STAB1: variants seen among roughly 807,000 people sequenced by gnomAD.
STAB1 encodes stabilin 1.
In STAB1, 250 loss-of-function variants were observed where a neutral mutation model predicts 332.4. That is an observed-to-expected ratio of 0.75 (90% CI 0.68 to 0.84). STAB1 has a LOEUF of 0.84. Among genes scored for constraint, STAB1 ranks in the 40% least tolerant of loss-of-function variants. STAB1 has a pLI of 0.00. For synonymous variants in STAB1, 1,475 were observed against 1,390.4 expected (o/e 1.06, Z -1.35); for missense variants, 3,249 against 3,489.7 (o/e 0.93, Z 1.74).
Position 52,511,636 on chromosome 3 carries a change from C to A in STAB1, c.2788-14C>A. 6.2e-7 allele frequency: 1 copy of A among 1,605,684 alleles called. No individual in the cohort carries two copies. The highest frequency in any genetic ancestry group is 1.1e-5 in the South Asian group (1 of 89,844). Reference sequence around the variant, plus strand: ...TCATCATGAGACAAGGCCGTCTGTTCCTAACCTTTCCAGAGCCGATGCACC... The same window carrying A: ...TCATCATGAGACAAGGCCGTCTGTTACTAACCTTTCCAGAGCCGATGCACC... On this transcript the variant is annotated splice_polypyrimidine_tract_variant and intron_variant, in intron 25 of 68. Transcript: ENST00000321725.
chr3:52,503,229 G>T, intron 7 of STAB1, 115 bp from the exon 8 acceptor site: 1 of 1,496,510 alleles, frequency 6.7e-7, no homozygotes, highest in Non-Finnish European at 9.1e-7. Context: ...CCTAAGGGGA[G>T]CCTATCCTCA....
In STAB1 at chr3:52,514,291, C is replaced by A. The variant is rs955719896; in HGVS notation, c.3547-74C>A. Reference sequence around the variant, plus strand: ...AGCCTCCAATCCCACCACGAAGGGACACAGTGGGTGTGGCGTGCTGTCCAG... The same window carrying A: ...AGCCTCCAATCCCACCACGAAGGGAAACAGTGGGTGTGGCGTGCTGTCCAG... On this transcript the variant is annotated intron_variant, in intron 33 of 68. Transcript: ENST00000321725. The A allele has an allele frequency of 5.0e-6, 8 of 1,593,432 alleles. No homozygotes were observed. The African/African-American group carries it at 5.4e-5, about 11-fold the overall frequency.
chr3:52,518,259 C>T, intron 45 of STAB1, 53 bp from the exon 46 acceptor site: 1 of 1,605,784 alleles, frequency 6.2e-7, no homozygotes, highest in South Asian at 1.1e-5. Context: ...GGGACAGGCA[C>T]CAGGCCCTGA....
At chr3:52,515,335 C>G in intron 36 of STAB1, 88 bp from the exon 37 acceptor site, 2 of 1,284,644 alleles carry the variant, frequency 1.6e-6, no homozygotes, top group Non-Finnish European at 2.2e-6. Flanking sequence ...CTGCCTGACA[C>G]CTGTAGTCCA....
rs774189833 is a variant in STAB1, at chr3:52,520,953, C to T, written c.5856C>T (p.Thr1952=). 1 of 1,583,536 alleles carries T rather than the reference C, an allele frequency of 6.3e-7. No homozygotes were observed. Among genetic ancestry groups the T allele is most frequent in the South Asian group, 1.2e-5 (1 of 86,414 alleles). ...GGGGCTGCCACCGCAATTGTGTCAC[C>T]ACCACCTGGAAGCCCAGCTGCTGCC... The part of the protein sequence containing the change: ...LGRGCHRNCV[T]TTWKPSCCPG... Residue 1952 remains threonine, a synonymous_variant, in exon 55 of 69, where the codon ACC becomes ACT. Transcript: ENST00000321725.
At chr3:52,503,979 T>C (rs530150917) in intron 9 of STAB1, 49 bp from the exon 10 acceptor site, 22 of 1,538,986 alleles carry the variant, frequency 1.4e-5, no homozygotes, top group Admixed American at 8.6e-5. Flanking sequence ...GGGGGTGCGG[T>C]GGGGGGGGCC....
In STAB1 at chr3:52,507,667, G is replaced by A; in HGVS notation, c.2044G>A (p.Val682Met). 1 of 1,613,620 alleles carries A rather than the reference G, an allele frequency of 6.2e-7. No individual in the cohort carries two copies. Among genetic ancestry groups the A allele is most frequent in the Non-Finnish European group, 8.5e-7 (1 of 1,180,010 alleles). The part of the protein sequence containing the change: ...LNTSTCPPNS[V>M]KLDIFPKECV... ...CACCAGCACGTGTCCCCCCAACAGT[G>A]TGAAGCTGGTGAGCACACCTTGGCC... The change falls in exon 19 of 69, where the codon GTG becomes ATG. Residue 682 changes from valine (V) to methionine (M), a missense_variant. Transcript: ENST00000321725.
intron 48 of STAB1, 25 bp downstream of exon 48, chr3:52,518,894 C>G (rs1461338130): frequency 2.0e-6 from 3 of 1,499,092 alleles, no homozygotes; most frequent in Non-Finnish European, 2.7e-6. Flanking sequence ...TGGCCTGCCC[C>G]GCTCCATCCC....
At chr3:52,516,624 C>T (rs761600483) in intron 40 of STAB1, 37 bp downstream of exon 40, 66 of 1,612,330 alleles carry the variant, frequency 4.1e-5, no homozygotes, top group East Asian at 2.9e-4. Context: ...GGGTGAGTGG[C>T]GGGGAGCCTG....
intron 21 of STAB1, 135 bp downstream of exon 21, chr3:52,508,494 G>A (rs1709049626): frequency 1.2e-6 from 1 of 805,314 alleles, no homozygotes; most frequent in African/African-American, 1.7e-5. Flanking sequence ...GCAGTGGAAA[G>A]TTGGATCAAA....
rs1346529946 is a variant in STAB1, at chr3:52,502,040, C to T, written c.366C>T (p.Gly122=). 6.2e-7 allele frequency: 1 copy of T among 1,613,308 alleles called. No individual in the cohort carries two copies. The highest frequency in any genetic ancestry group is 1.7e-5 in the Admixed American group (1 of 60,028). The change falls in exon 4 of 69, where the codon GGC becomes GGT. Residue 122 remains glycine (G), a synonymous_variant. Transcript: ENST00000321725. ...CPGGAETPCN[G]HGTCLDGMDR... Reference sequence around the variant, plus strand: ...GGGGCGCTGAGACCCCATGCAATGGCCACGGGACCTGCTTGGATGGCATGG... The same window carrying T: ...GGGGCGCTGAGACCCCATGCAATGGTCACGGGACCTGCTTGGATGGCATGG...
rs775553348 is a variant in STAB1 at position 52,501,668 on chromosome 3, G to A, written c.246G>A (p.Val82=). 6.3e-7 allele frequency: 1 copy of A among 1,574,826 alleles called. No individual in the cohort carries two copies. Among genetic ancestry groups the A allele is most frequent in the Non-Finnish European group, 8.6e-7 (1 of 1,161,006 alleles). Residue 82 remains valine (V), a synonymous_variant, in exon 3 of 69, where the codon GTG becomes GTA. Coordinates refer to ENST00000321725, the MANE Select transcript of STAB1 (RefSeq NM_015136.3). ...AAGTACAGCTGGGGGGCTCTATGGT[G>A]TCCATGAGCGGCTGCAGACGGAAGT... ...RYEVQLGGSM[V]SMSGCRRKCR...
rs145780874 is a variant in STAB1, at chr3:52,518,354, C to T, written c.4804C>T (p.Leu1602Phe). Residue 1602 changes from leucine to phenylalanine, a missense_variant, in exon 46 of 69, where the codon CTC becomes TTC. Coordinates refer to ENST00000321725, the MANE Select transcript of STAB1 (RefSeq NM_015136.3). ...GCATGCCTCATTCTTCAGCCTCCGC[C>T]TCCTGGTGAGTGGCCAGCTTGGGCC... ...DKHASFFSLR[L>F]LEYKELKGDG... The T allele has an allele frequency of 1.2e-6, 2 of 1,612,548 alleles. No individual in the cohort carries two copies. The highest frequency in any genetic ancestry group is 1.3e-5 in the African/African-American group (1 of 75,050).
In STAB1 at chr3:52,521,879, G is replaced by T; in HGVS notation, c.6199G>T (p.Glu2067Ter). ...TGTGTGTACCCCACCCTGTGCACCCGAGGCTGTGTGCCGTGCAGGCAACAG... is the reference window on the plus strand; with the variant it reads ...TGTGTGTACCCCACCCTGTGCACCCTAGGCTGTGTGCCGTGCAGGCAACAG... ...QPVCTPPCAPEAVCRAGNSCE... is the reference protein window; with the variant it reads ...QPVCTPPCAP The change falls in exon 58 of 69, where the codon GAG (glutamate) becomes TAG (stop). Residue 2067 changes from glutamate (E) to a stop codon, truncating the protein, a stop_gained. Coordinates refer to ENST00000321725, the MANE Select transcript of STAB1 (RefSeq NM_015136.3). LOFTEE classifies it high-confidence loss of function. 1 of 1,606,226 alleles carries T rather than the reference G, an allele frequency of 6.2e-7. No homozygotes were observed. Among genetic ancestry groups the T allele is most frequent in the Admixed American group, 1.7e-5 (1 of 59,728 alleles).
intron 44 of STAB1, 46 bp downstream of exon 44, chr3:52,517,670 G>T (rs190062716): frequency 3.7e-5 from 60 of 1,600,464 alleles, no homozygotes; most frequent in Non-Finnish European, 5.1e-5. Flanking sequence ...GAAGGAGAGG[G>T]GACTGAGGCA....
intron 60 of STAB1, 39 bp downstream of exon 60, chr3:52,522,513 C>A: frequency 6.2e-7 from 1 of 1,613,056 alleles, no homozygotes; most frequent in Non-Finnish European, 8.5e-7. Flanking sequence ...CATTTCATTC[C>A]TCAGAGCCGG....
chr3:52,505,881 A>G lies in STAB1; in HGVS notation c.1696-2A>G. 1 of 1,613,956 alleles carries G rather than the reference A, an allele frequency of 6.2e-7. No homozygotes were observed. ...AGCCAAACCCTCTCTCTCCCCTGCC[A>G]GGGTCTCTCTAAACTGCAGGAGTTG... On this transcript the variant is annotated splice_acceptor_variant, in intron 15 of 68. Transcript: ENST00000321725. LOFTEE classifies it high-confidence loss of function.
rs779364897 is a variant in STAB1, at chr3:52,504,841, G to A, written c.1342G>A (p.Gly448Arg). Reference protein sequence around the residue: ...QQTRRWWTLAGQEITVTFNQF... With the variant: ...QQTRRWWTLARQEITVTFNQF... ...AACACGAAGGTGGTGGACGCTGGCC[G>A]GGCAGGAGATCACCGTCACCTTTAA... The change falls in exon 12 of 69, where the codon GGG (glycine) becomes AGG (arginine). Residue 448 changes from glycine (G) to arginine (R), a missense_variant. Transcript: ENST00000321725. 18 of 1,613,668 alleles carry A rather than the reference G, an allele frequency of 1.1e-5. No homozygotes were observed. The highest frequency in any genetic ancestry group is 2.2e-5 in the East Asian group (1 of 44,900).
Position 52,512,965 on chromosome 3 carries a change from C to A in STAB1, c.3158+7C>A. ...CGCTGCCGAACCTGGTCAGGTGGGG[C>A]CGCCATTGCCAGGCTGTGGGAGGGG... On this transcript the variant is annotated splice_region_variant and intron_variant, in intron 29 of 68. Coordinates refer to ENST00000321725, the MANE Select transcript of STAB1 (RefSeq NM_015136.3). 6.2e-7 allele frequency: 1 copy of A among 1,605,450 alleles called. No homozygotes were observed. Among genetic ancestry groups the A allele is most frequent in the African/African-American group, 1.3e-5 (1 of 74,818 alleles).
Sources: allele counts gnomAD v4.1 joint callset, GRCh38; gene constraint gnomAD v4.1.1; transcripts MANE v1.5; gene names NCBI Gene and HGNC (gene_info 2026-07-23, HGNC 2026-07-21).